CDK19: variants seen among roughly 807,000 people sequenced by gnomAD.
CDK19 encodes cyclin-dependent kinase 19.
Under a neutral mutation model 68.3 loss-of-function variants are expected in CDK19, and 20 were observed. That is an observed-to-expected ratio of 0.29 (90% CI 0.21 to 0.43). CDK19 has a LOEUF of 0.43. CDK19 is among the 20% of genes least tolerant of loss of function. The probability of loss-of-function intolerance (pLI) is 1.00; values close to 1 mark genes in which losing one functional copy is unlikely to be tolerated. For missense variants in CDK19, 339 were observed against 623.5 expected, an observed-to-expected ratio of 0.54 and a Z score of 4.86; for synonymous variants, 221 against 222.8, an observed-to-expected ratio of 0.99 and a Z score of 0.07.
chr6:110,805,748 AC>A (rs1782635101), intron 1 of CDK19, among the ~76,000 whole-genome samples: 1 of 152,226 alleles, frequency 6.6e-6, no homozygotes, highest in African/African-American at 2.4e-5. Flanking sequence ...AATGTAGGAC[AC>A]TATATTTTAT....
chr6:110,647,116 C>T (rs1780651004), intron 4 of CDK19, among the ~76,000 whole-genome samples: 1 of 152,122 alleles, frequency 6.6e-6, no homozygotes, highest in African/African-American at 2.4e-5. Context: ...CTCTATCACC[C>T]CCAAAGGAAA....
At chr6:110,809,500 T>TA (rs1782920907) in intron 1 of CDK19, among the ~76,000 whole-genome samples, 1 of 152,080 alleles carries the variant, frequency 6.6e-6, no homozygotes, top group East Asian at 1.9e-4. Flanking sequence ...GCCTTGGTGA[T>TA]AGAGTGAGAC....
At chr6:110,718,755 T>C (rs529381324) in intron 2 of CDK19, among the ~76,000 whole-genome samples, 2 of 151,794 alleles carry the variant, frequency 1.3e-5, no homozygotes, top group Non-Finnish European at 2.9e-5. Context: ...CATTCACAGA[T>C]AGTTGCTGAA....
At chr6:110,762,970 C>A (rs921730016) in intron 1 of CDK19, among the ~76,000 whole-genome samples, 1 of 152,094 alleles carries the variant, frequency 6.6e-6, no homozygotes, top group Non-Finnish European at 1.5e-5. Context: ...GGCTATCTGC[C>A]TTTTCAAATA....
At chr6:110,740,260 TACC>T (rs1407564772) in intron 2 of CDK19, among the ~76,000 whole-genome samples, 1 of 152,202 alleles carries the variant, frequency 6.6e-6, no homozygotes, top group African/African-American at 2.4e-5. Context: ...TAATAGCATT[TACC>T]ACGTTTTCAA....
chr6:110,768,461 T>C (rs1340571080), intron 1 of CDK19, among the ~76,000 whole-genome samples: 2 of 152,212 alleles, frequency 1.3e-5, no homozygotes, highest in Non-Finnish European at 2.9e-5. Context: ...GCTTTACTCA[T>C]AATTGCCAAA....
At chr6:110,763,337 T>C (rs949300633) in intron 1 of CDK19, among the ~76,000 whole-genome samples, 1 of 152,008 alleles carries the variant, frequency 6.6e-6, no homozygotes, top group Non-Finnish European at 1.5e-5. Flanking sequence ...TTATTATAAT[T>C]CGTGGAGAGA....
At chr6:110,629,524 T>C (rs1779307637) in intron 6 of CDK19, among the ~76,000 whole-genome samples, 1 of 152,072 alleles carries the variant, frequency 6.6e-6, no homozygotes, top group South Asian at 2.1e-4. Flanking sequence ...CTGGCTAATT[T>C]TTGTATTTTT....
chr6:110,622,931 A>T lies in CDK19; in HGVS notation c.934-19T>A. Reference sequence around the variant, plus strand: ...TCTGAAGCTAGAGTGACACACAGGAAATGTACAGCACATGAAAAGGTTATT... The same window carrying T: ...TCTGAAGCTAGAGTGACACACAGGATATGTACAGCACATGAAAAGGTTATT... On this transcript the variant is annotated intron_variant, in intron 9 of 12. Transcript: ENST00000368911. 7.1e-7 allele frequency: 1 copy of T among 1,416,318 alleles called. No individual in the cohort carries two copies. Among genetic ancestry groups the T allele is most frequent in the Non-Finnish European group, 1.0e-6 (1 of 999,260 alleles). 87.7% of individuals were successfully genotyped at this position (1,416,318 alleles called of 1,614,324 possible).
At chr6:110,787,918 C>T (rs548986197) in intron 1 of CDK19, among the ~76,000 whole-genome samples, 9 of 150,932 alleles carry the variant, frequency 6.0e-5, no homozygotes, top group South Asian at 2.1e-4. Context: ...CGGCTCACTG[C>T]AACTTCTGCC....
intron 1 of CDK19, among the ~76,000 whole-genome samples, chr6:110,766,204 C>T (rs1779575623): frequency 6.6e-6 from 1 of 152,170 alleles, no homozygotes; most frequent in South Asian, 2.1e-4. Context: ...ACCTAAACAT[C>T]CTTCAAGAGA....
intron 2 of CDK19, among the ~76,000 whole-genome samples, chr6:110,682,718 T>C (rs1036033358): frequency 1.3e-5 from 2 of 152,152 alleles, no homozygotes; most frequent in Non-Finnish European, 2.9e-5. Flanking sequence ...GCAAAAAATA[T>C]AGGTTTTAGA....
chr6:110,746,786 C>CCAGTAG (rs1778105542), intron 1 of CDK19, among the ~76,000 whole-genome samples: 1 of 152,046 alleles, frequency 6.6e-6, no homozygotes, highest in South Asian at 2.1e-4. Flanking sequence ...TAGGAGAAAC[C>CCAGTAG]CAGTAGTTAA....
intron 2 of CDK19, among the ~76,000 whole-genome samples, chr6:110,676,778 A>G (rs1771571985): frequency 6.6e-6 from 1 of 152,248 alleles, no homozygotes; most frequent in Non-Finnish European, 1.5e-5. Flanking sequence ...ACTGTAAACT[A>G]TAGTATAATA....
intron 2 of CDK19, among the ~76,000 whole-genome samples, chr6:110,721,958 C>T (rs1055587902): frequency 6.6e-6 from 1 of 151,284 alleles, no homozygotes; most frequent in African/African-American, 2.4e-5. Flanking sequence ...AGTGAGACTC[C>T]ATCTCAAAAA....
chr6:110,794,450 G>A (rs979685645), intron 1 of CDK19, among the ~76,000 whole-genome samples: 5 of 144,430 alleles, frequency 3.5e-5, no homozygotes, highest in Admixed American at 2.2e-4. Context: ...TCACCAGGCT[G>A]GAGTGCAGTA....
At chr6:110,787,126 A>G (rs2115054863) in intron 1 of CDK19, among the ~76,000 whole-genome samples, 1 of 152,234 alleles carries the variant, frequency 6.6e-6, no homozygotes, top group Non-Finnish European at 1.5e-5. Context: ...AATCCCCAGC[A>G]CTTTGGGAGG....
intron 2 of CDK19, among the ~76,000 whole-genome samples, chr6:110,714,286 T>C (rs987057808): frequency 2.3e-4 from 35 of 152,260 alleles, no homozygotes; most frequent in African/African-American, 7.2e-4. Flanking sequence ...TATATGGATA[T>C]AGCACATTTT....
intron 2 of CDK19, among the ~76,000 whole-genome samples, chr6:110,683,481 C>T (rs1292979747): frequency 2.6e-5 from 4 of 152,082 alleles, no homozygotes; most frequent in Non-Finnish European, 4.4e-5. Flanking sequence ...CCATGAAACA[C>T]CCACTTAGTA....
Sources: allele counts gnomAD v4.1 joint callset (sites outside exome capture counted in the v4.1 genomes callset), GRCh38; gene constraint gnomAD v4.1.1; transcripts MANE v1.5; gene names NCBI Gene and HGNC (gene_info 2026-07-23, HGNC 2026-07-21).